The following ANXA4 variants were observed in gnomAD, a reference collection of about 807,000 sequenced individuals.
ANXA4 encodes 35-beta calcimedin.
A neutral mutation model predicts 49.8 loss-of-function variants in ANXA4; 39 were observed. The ratio of observed to expected loss-of-function variants is 0.78; its 90% CI spans 0.61 to 1.02. The LOEUF is 1.02. ANXA4 is among the 50% of genes least tolerant of loss of function. The probability of loss-of-function intolerance (pLI) is 0.00; values close to 1 mark genes in which losing one functional copy is unlikely to be tolerated. For missense variants in ANXA4, 360 were observed against 410.1 expected, an observed-to-expected ratio of 0.88 and a Z score of 1.05; for synonymous variants, 134 against 152.5, an observed-to-expected ratio of 0.88 and a Z score of 0.89.
At chr2:69,676,953 CCTT>C (rs1325748187) in intron 2 of ANXA4, among the ~76,000 whole-genome samples, 6 of 152,148 alleles carry the variant, frequency 3.9e-5, no homozygotes, top group African/African-American at 1.4e-4. Flanking sequence ...TGGTGTATCT[CCTT>C]CTAAGGCTAT....
intron 3 of ANXA4, among the ~76,000 whole-genome samples, chr2:69,789,313 A>C (rs1403170414): frequency 6.6e-6 from 1 of 152,154 alleles, no homozygotes; most frequent in Middle Eastern, 3.2e-3. Flanking sequence ...CATGGCTCAC[A>C]CTAGGCAGAT....
chr2:69,703,926 C>T (rs1324872602), intron 2 of ANXA4, among the ~76,000 whole-genome samples: 1 of 152,094 alleles, frequency 6.6e-6, no homozygotes, highest in Non-Finnish European at 1.5e-5. Flanking sequence ...AGGTGCGTGC[C>T]ACCCCCCCGC....
chr2:69,754,547 A>G (rs1573198136), intron 1 of ANXA4, among the ~76,000 whole-genome samples: 1 of 152,250 alleles, frequency 6.6e-6, no homozygotes, highest in African/African-American at 2.4e-5. Flanking sequence ...GGCACAAGCT[A>G]CCATGCATGG....
At chr2:69,748,914 T>C (rs1163132829) in intron 1 of ANXA4, among the ~76,000 whole-genome samples, 1 of 152,110 alleles carries the variant, frequency 6.6e-6, no homozygotes, top group Non-Finnish European at 1.5e-5. Context: ...AGTTTTGCCA[T>C]GTTGCCCAGG....
chr2:69,644,565 T>C (rs1675925217), exon 1 of ANXA4: 1 of 152,248 alleles, frequency 6.6e-6, no homozygotes, highest in Non-Finnish European at 1.5e-5. Flanking sequence ...TCTGGAAATG[T>C]ACAGGCGAGA....
upstream of ANXA4, among the ~76,000 whole-genome samples, chr2:69,741,810 C>T (rs1200286312): frequency 1.3e-5 from 2 of 152,216 alleles, no homozygotes; most frequent in Non-Finnish European, 2.9e-5. Flanking sequence ...CCCAAGAATC[C>T]AACTGCTCCC....
At chr2:69,655,226 C>T (rs1199497135) in intron 2 of ANXA4, among the ~76,000 whole-genome samples, 3 of 152,114 alleles carry the variant, frequency 2.0e-5, no homozygotes, top group African/African-American at 7.2e-5. Flanking sequence ...AAACTGTCAT[C>T]AGAGTGAACA....
chr2:69,651,811 T>C (rs1676249155), intron 1 of ANXA4, among the ~76,000 whole-genome samples: 1 of 50,832 alleles, frequency 2.0e-5, no homozygotes. Context: ...TTTTTTTTTT[T>C]TTTTTTGGGG....
intron 2 of ANXA4, among the ~76,000 whole-genome samples, chr2:69,712,257 G>A (rs1190355261): frequency 6.6e-6 from 1 of 152,150 alleles, no homozygotes; most frequent in Non-Finnish European, 1.5e-5. Context: ...AAATTGGAGG[G>A]TGGAAGCAAA....
chr2:69,701,021 C>T (rs375988676), intron 2 of ANXA4, among the ~76,000 whole-genome samples: 33 of 152,074 alleles, frequency 2.2e-4, no homozygotes, highest in East Asian at 9.7e-4. Context: ...TACAGGCACC[C>T]GCCACCACAT....
At chr2:69,731,276 C>A (rs1670086993) in intron 3 of ANXA4, among the ~76,000 whole-genome samples, 1 of 152,212 alleles carries the variant, frequency 6.6e-6, no homozygotes, top group Non-Finnish European at 1.5e-5. Flanking sequence ...TCCCTTCTTG[C>A]ATGAGGCTTC....
chr2:69,794,102 T>C (rs1184947068), intron 3 of ANXA4, among the ~76,000 whole-genome samples: 5 of 152,246 alleles, frequency 3.3e-5, no homozygotes, highest in Admixed American at 3.3e-4. Context: ...GGTTCTCCAG[T>C]TTTCTCTGGG....
At position 69,797,601 on chromosome 2, in the gene ANXA4, G is replaced by A. The variant is rs373489170; in HGVS notation, c.98-6932G>A. 6.6e-5 allele frequency among the ~76,000 whole-genome samples: 10 copies of A among 152,322 alleles called. No homozygotes were observed. The East Asian group carries it at 1.9e-3, about 29-fold the overall frequency. On this transcript the variant is annotated intron_variant, in intron 3 of 12. Coordinates refer to ENST00000394295, the MANE Select transcript of ANXA4 (RefSeq NM_001153.5). ...ACTGGACTAGAGGATTTATTCTTAG[G>A]TGGTGGTTCCGGTTAACTTCCAGAC...
At chr2:69,793,247 T>C (rs1672776775) in intron 3 of ANXA4, among the ~76,000 whole-genome samples, 1 of 71,222 alleles carries the variant, frequency 1.4e-5, no homozygotes, top group East Asian at 5.3e-4. Context: ...CAAGACTCCA[T>C]CTCAAAAAAA....
chr2:69,673,216 T>C (rs1042817073), intron 2 of ANXA4, among the ~76,000 whole-genome samples: 2 of 152,118 alleles, frequency 1.3e-5, no homozygotes, highest in African/African-American at 2.4e-5. Flanking sequence ...GTATGTTTAG[T>C]GCAGCACTGT....
intron 3 of ANXA4, among the ~76,000 whole-genome samples, chr2:69,798,204 G>A (rs1228057162): frequency 6.6e-6 from 1 of 152,150 alleles, no homozygotes; most frequent in Non-Finnish European, 1.5e-5. Context: ...AATAGTCTTT[G>A]AGATCTGGAT....
At chr2:69,763,104 C>T (rs922909365) in intron 1 of ANXA4, among the ~76,000 whole-genome samples, 2 of 152,108 alleles carry the variant, frequency 1.3e-5, no homozygotes, top group East Asian at 1.9e-4. Context: ...ATCAGAAATC[C>T]ACTGTGGAAG....
intron 2 of ANXA4, among the ~76,000 whole-genome samples, chr2:69,660,042 C>T (rs1405814981): frequency 1.3e-5 from 2 of 151,952 alleles, no homozygotes; most frequent in African/African-American, 2.4e-5. Flanking sequence ...ACTCACCAGC[C>T]CAGAGAGGTG....
chr2:69,688,137 A>T (rs994997882), intron 2 of ANXA4, among the ~76,000 whole-genome samples: 3 of 152,204 alleles, frequency 2.0e-5, no homozygotes, highest in African/African-American at 4.8e-5. Flanking sequence ...TTTAGGCTGT[A>T]AGTTTCCCTT....
Sources: gnomAD v4.1 joint callset for allele counts (sites outside exome capture counted in the v4.1 genomes callset) on GRCh38, gnomAD v4.1.1 for gene constraint, MANE v1.5 for transcripts, NCBI Gene and HGNC (gene_info 2026-07-23, HGNC 2026-07-21) for gene names.